PRKAG2: variants seen among roughly 807,000 people sequenced by gnomAD.
PRKAG2 encodes the protein 5'-AMP-activated protein kinase subunit gamma-2.
Under a neutral mutation model 69.6 loss-of-function variants are expected in PRKAG2, and 26 were observed. The ratio of observed to expected loss-of-function variants is 0.37; its 90% confidence interval spans 0.27 to 0.52. The LOEUF is 0.52. Ranked by LOEUF, PRKAG2 falls within the 20% of genes least tolerant of loss-of-function variation. The pLI, the probability that PRKAG2 is intolerant of heterozygous loss-of-function variation, is 0.90. For missense variants in PRKAG2, 557 were observed against 740.0 expected (o/e 0.75, Z 2.87); for synonymous variants, 293 against 285.0 (o/e 1.03, Z -0.28).
At chr7:151,615,795 CT>C (rs1819983626) in intron 5 of PRKAG2, among the ~76,000 whole-genome samples, 1 of 152,150 alleles carries the variant, frequency 6.6e-6, no homozygotes, top group Non-Finnish European at 1.5e-5. Flanking sequence ...ATACACATGG[CT>C]AACAAGAATA....
chr7:151,688,508 A>C (rs2151519167), intron 3 of PRKAG2, among the ~76,000 whole-genome samples: 1 of 152,270 alleles, frequency 6.6e-6, no homozygotes, highest in South Asian at 2.1e-4. Flanking sequence ...AGGCCCTGGA[A>C]GCATGCCTCT....
chr7:151,693,304 G>A (rs964865648), intron 3 of PRKAG2, among the ~76,000 whole-genome samples: 2 of 152,146 alleles, frequency 1.3e-5, no homozygotes, highest in Admixed American at 6.5e-5. Flanking sequence ...GGAGACCCAA[G>A]GCCCTCCGAG....
Position 151,807,149 on chromosome 7 carries a change from C to A in PRKAG2, c.115-20608G>T, listed in dbSNP as rs138219370. On this transcript the variant is annotated intron_variant, in intron 1 of 15. Transcript: ENST00000287878. The surrounding 1 kb of genome is among the most constrained non-coding windows in gnomAD (Gnocchi z 4.4). ...GGAAATGTTCCAGATCACACTGTGG[C>A]GGTGGTCACATGACTGTGCACACTT... is the stretch of plus-strand genomic sequence containing the variant. The A allele has an allele frequency of 2.7e-6, 1 of 372,800 alleles. No individual in the cohort carries two copies. The highest frequency in any genetic ancestry group is 5.3e-6 in the Non-Finnish European group (1 of 188,576). 23.1% of individuals were successfully genotyped at this position (372,800 alleles called of 1,614,324 possible).
intron 3 of PRKAG2, among the ~76,000 whole-genome samples, chr7:151,687,068 A>G (rs904153717): frequency 2.0e-5 from 3 of 152,206 alleles, no homozygotes; most frequent in Non-Finnish European, 2.9e-5. Flanking sequence ...GCTCTAGCAT[A>G]TGGGTATTTA....
chr7:151,804,982 G>A (rs1013437941), intron 1 of PRKAG2, among the ~76,000 whole-genome samples: 1 of 152,214 alleles, frequency 6.6e-6, no homozygotes, highest in Admixed American at 6.5e-5. Flanking sequence ...GTGGCTCAAC[G>A]CATGGCAGGC....
At chr7:151,875,561 TGGTGTG>T (rs2080368652) in intron 1 of PRKAG2, among the ~76,000 whole-genome samples, 1 of 96,686 alleles carries the variant, frequency 1.0e-5, no homozygotes, top group African/African-American at 3.7e-5. Context: ...CGGAGCACTC[TGGTGTG>T]TGTGTGTGTG....
At chr7:151,693,434 C>T (rs1250217944) in intron 3 of PRKAG2, among the ~76,000 whole-genome samples, 2 of 152,196 alleles carry the variant, frequency 1.3e-5, no homozygotes, top group Non-Finnish European at 2.9e-5. Flanking sequence ...CCAGGCCCAT[C>T]ACCTCCCCGG....
intron 3 of PRKAG2, among the ~76,000 whole-genome samples, chr7:151,734,916 G>A (rs1799533902): frequency 7.4e-6 from 1 of 135,864 alleles, no homozygotes; most frequent in African/African-American, 2.8e-5. Flanking sequence ...GTGCAGTGGT[G>A]TGACCTGGGC....
intron 4 of PRKAG2, among the ~76,000 whole-genome samples, chr7:151,664,934 A>T (rs1212431424): frequency 1.3e-5 from 2 of 152,216 alleles, no homozygotes; most frequent in African/African-American, 4.8e-5. Context: ...CTATCAACCA[A>T]GAGAGCAAAA....
chr7:151,651,384 A>ATCACTTGAGG (rs1198238242), intron 4 of PRKAG2, among the ~76,000 whole-genome samples: 2 of 152,220 alleles, frequency 1.3e-5, no homozygotes, highest in African/African-American at 4.8e-5. Flanking sequence ...AGGTGGGCAG[A>ATCACTTGAGG]TCACTTGAGG....
At chr7:151,802,338 G>A (rs551524790) in intron 1 of PRKAG2, among the ~76,000 whole-genome samples, 3 of 152,122 alleles carry the variant, frequency 2.0e-5, no homozygotes, top group East Asian at 1.9e-4. Flanking sequence ...TGTGCAACAC[G>A]AGGCTGCCAC....
chr7:151,664,613 T>C (rs942610790), intron 4 of PRKAG2, among the ~76,000 whole-genome samples: 2 of 152,242 alleles, frequency 1.3e-5, no homozygotes, highest in East Asian at 3.8e-4. Flanking sequence ...AGTTTTATCA[T>C]GATGGTTTCT....
At chr7:151,821,930 C>A (rs1041118405) in intron 1 of PRKAG2, among the ~76,000 whole-genome samples, 1 of 152,174 alleles carries the variant, frequency 6.6e-6, no homozygotes, top group Non-Finnish European at 1.5e-5. Context: ...TACACACACG[C>A]GCACATATGC....
At chr7:151,582,356 T>C (rs1386004355) in intron 6 of PRKAG2, among the ~76,000 whole-genome samples, 1 of 152,080 alleles carries the variant, frequency 6.6e-6, no homozygotes, top group Admixed American at 6.6e-5. Flanking sequence ...TCCGGTTATG[T>C]TGCCCATGCT....
Position 151,572,743 on chromosome 7 carries a change from C to T in PRKAG2, c.1006-34G>A, listed in dbSNP as rs763806475. On this transcript the variant is annotated intron_variant, in intron 8 of 15. Coordinates refer to ENST00000287878, the MANE Select transcript of PRKAG2 (RefSeq NM_016203.4). ...AAAAAAATTCTTATTTATAAATATA[C>T]ATATACAACATAGAAAAAATATTTG... 7.5e-6 allele frequency: 9 copies of T among 1,202,906 alleles called. No individual in the cohort carries two copies. The South Asian group carries it at 1.3e-4, about 17-fold the overall frequency. 74.5% of individuals were successfully genotyped at this position (1,202,906 alleles called of 1,614,324 possible).
intron 1 of PRKAG2, among the ~76,000 whole-genome samples, chr7:151,825,798 C>T (rs1468489949): frequency 6.6e-6 from 1 of 152,238 alleles, no homozygotes; most frequent in Non-Finnish European, 1.5e-5. Flanking sequence ...CCCAGCATTA[C>T]AGACACCAGA....
intron 4 of PRKAG2, among the ~76,000 whole-genome samples, chr7:151,671,728 G>A (rs1832073937): frequency 6.6e-6 from 1 of 152,248 alleles, no homozygotes; most frequent in Non-Finnish European, 1.5e-5. Context: ...AAAGCAGAAA[G>A]GGCTTGAGCC....
chr7:151,610,117 G>A (rs1009118030), intron 5 of PRKAG2, among the ~76,000 whole-genome samples: 13 of 152,206 alleles, frequency 8.5e-5, no homozygotes, highest in Admixed American at 8.5e-4. Context: ...TGTAATCCCA[G>A]CACTTTCGGA....
intron 15 of PRKAG2, 36 bp from the exon 16 acceptor site, chr7:151,557,268 A>G (rs1439475707): frequency 6.2e-7 from 1 of 1,611,414 alleles, no homozygotes; most frequent in Non-Finnish European, 8.5e-7. Flanking sequence ...TTCAAAGCTC[A>G]TGGTAACAGC....
Sources: gnomAD v4.1 joint callset for allele counts (sites outside exome capture counted in the v4.1 genomes callset) on GRCh38, gnomAD v4.1.1 for gene constraint, Gnocchi (gnomAD v3.1) non-coding constraint, MANE v1.5 for transcripts, NCBI Gene and HGNC (gene_info 2026-07-23, HGNC 2026-07-21) for gene names.